Variants in NUP214 observed in about 807,000 individuals in gnomAD.
The protein encoded by NUP214 is nucleoporin 214.
In NUP214, 79 loss-of-function variants were observed where a neutral mutation model predicts 196.2. The observed-to-expected ratio is 0.40, with a 90% CI of 0.34 to 0.49. The LOEUF is 0.49. NUP214 is among the 20% of genes least tolerant of loss of function. The pLI is 0.58. For missense variants in NUP214, 2,468 were observed against 2,539.0 expected (o/e 0.97, Z 0.60); for synonymous variants, 1,020 against 990.5 (o/e 1.03, Z -0.56).
intron 23 of NUP214, among the ~76,000 whole-genome samples, chr9:131,177,371 A>G (rs907803957): frequency 1.3e-5 from 2 of 152,328 alleles, no homozygotes; most frequent in African/African-American, 4.8e-5. Flanking sequence ...GCCTGAAATC[A>G]AGTTGATCAA....
At chr9:131,151,981 G>T in intron 17 of NUP214, 87 bp downstream of exon 17, 1 of 1,049,302 alleles carries the variant, frequency 9.5e-7, no homozygotes, top group South Asian at 2.1e-5. Flanking sequence ...AGATTTGGAT[G>T]ATGGCTCTTT....
chr9:131,176,923 A>T (rs1489965261), intron 23 of NUP214, among the ~76,000 whole-genome samples: 3 of 152,132 alleles, frequency 2.0e-5, no homozygotes, highest in Non-Finnish European at 4.4e-5. Flanking sequence ...TAGTGGGTAG[A>T]GGCCAGGAAT....
chr9:131,174,222 A>C lies in NUP214; in HGVS notation c.3061A>C (p.Thr1021Pro), dbSNP rs768757657. ...CCCTCGGCACGCCCCCGTGGTTCGC[A>C]CTCCTTCCATCCAGCCCAGTCTCTT... Reference protein sequence around the residue: ...QAPRHAPVVRTPSIQPSLLPH... With the variant: ...QAPRHAPVVRPPSIQPSLLPH... Residue 1021 changes from threonine to proline, a missense_variant, in exon 22 of 36, where the codon ACT becomes CCT. By Grantham distance (38) the Thr-to-Pro change is conservative. This residue lies in a region of NUP214 where 1,801 missense variants were observed against 1,779.4 expected (regional missense o/e 1.01). Coordinates refer to ENST00000359428, the MANE Select transcript of NUP214 (RefSeq NM_005085.4). 1 of 1,613,446 alleles carries C rather than the reference A, an allele frequency of 6.2e-7. No homozygotes were observed. The highest frequency in any genetic ancestry group is 8.5e-7 in the Non-Finnish European group (1 of 1,179,852).
At chr9:131,186,708 G>T (rs1401519713) in intron 24 of NUP214, among the ~76,000 whole-genome samples, 1 of 152,228 alleles carries the variant, frequency 6.6e-6, no homozygotes, top group South Asian at 2.1e-4. Context: ...AACAAAAGAT[G>T]ATGAGAGCTC....
chr9:131,213,333 G>A (rs756778072), intron 30 of NUP214, among the ~76,000 whole-genome samples: 5 of 151,952 alleles, frequency 3.3e-5, no homozygotes, highest in Non-Finnish European at 7.4e-5. Flanking sequence ...GCACCACCAC[G>A]CCCAGCTAAT....
intron 24 of NUP214, among the ~76,000 whole-genome samples, chr9:131,185,779 G>A (rs951897267): frequency 2.6e-5 from 4 of 152,170 alleles, no homozygotes; most frequent in Non-Finnish European, 5.9e-5. Context: ...GGGGTGTCAC[G>A]TGGTGTGTAG....
chr9:131,158,029 C>T (rs563868297), intron 17 of NUP214, among the ~76,000 whole-genome samples: 1 of 152,058 alleles, frequency 6.6e-6, no homozygotes, highest in South Asian at 2.1e-4. Flanking sequence ...GTAATACACC[C>T]GTCCTGGCCT....
intron 8 of NUP214, among the ~76,000 whole-genome samples, chr9:131,135,563 A>G (rs1285177406): frequency 1.3e-5 from 2 of 152,258 alleles, no homozygotes; most frequent in African/African-American, 4.8e-5. Flanking sequence ...TTGATATTCA[A>G]GGAATATATT....
intron 17 of NUP214, among the ~76,000 whole-genome samples, chr9:131,158,629 G>A (rs1448562494): frequency 2.0e-5 from 3 of 152,166 alleles, no homozygotes; most frequent in Non-Finnish European, 4.4e-5. Context: ...TTTCAGCACC[G>A]TTTTGTCTCC....
At chr9:131,153,192 TG>T (rs201475460) in intron 17 of NUP214, 3,006 of 152,272 alleles carry the variant, frequency 0.02, 43 homozygotes, top group Non-Finnish European at 0.029. Flanking sequence ...CACATTTGTC[TG>T]GAATTCCAGC....
rs534248674 is a variant in NUP214 at position 131,184,626 on chromosome 9, G to A, written c.3420-2663G>A. Among the ~76,000 whole-genome samples, 9 of 152,170 alleles carry A rather than the reference G, an allele frequency of 5.9e-5. 1 individual carries two copies. The highest frequency in any genetic ancestry group is 2.2e-4 in the African/African-American group (9 of 41,526). ...GCTGGGATTACAGGCGTGAGACACC[G>A]TGCCTGGCCTATTTTTTCATATTTA... On this transcript the variant is annotated intron_variant, in intron 24 of 35. Transcript: ENST00000359428.
chr9:131,130,151 G>GTTTTTTTTT (rs56836232), intron 4 of NUP214, among the ~76,000 whole-genome samples: 16 of 109,216 alleles, frequency 1.5e-4, no homozygotes, highest in East Asian at 3.1e-4. Context: ...TTTTTTTTTT[G>GTTTTTTTTT]TTTTTTTTTT....
chr9:131,128,685 T>A (rs1037376297), intron 3 of NUP214: 2 of 482,060 alleles, frequency 4.1e-6, no homozygotes, highest in Admixed American at 7.6e-5. Context: ...TAACGCCATC[T>A]GCCCTAAGTT....
At chr9:131,208,378 T>C (rs988593944) in intron 30 of NUP214, among the ~76,000 whole-genome samples, 2 of 152,210 alleles carry the variant, frequency 1.3e-5, no homozygotes, top group South Asian at 4.1e-4. Flanking sequence ...ATACATTCCA[T>C]GGGATATTTT....
rs372915209 is a variant in NUP214, at chr9:131,228,330, G to A, written c.6073G>A (p.Gly2025Arg). Residue 2025 changes from glycine to arginine, a missense_variant and splice_region_variant, in exon 33 of 36, where the codon GGG (glycine) becomes AGG (arginine). Coordinates refer to ENST00000359428, the MANE Select transcript of NUP214 (RefSeq NM_005085.4). ...TGCAGCTGCCAGCGCAGGAGGATTCGGGTAAGCCCCCTGGGGAGGGCCCTT... is the reference window on the plus strand; with the variant it reads ...TGCAGCTGCCAGCGCAGGAGGATTCAGGTAAGCCCCCTGGGGAGGGCCCTT... ...GTAAASAGGF[G>R]FGSSSNTTSF... 8 of 1,580,816 alleles carry A rather than the reference G, an allele frequency of 5.1e-6. No individual in the cohort carries two copies. Among genetic ancestry groups the A allele is most frequent in the African/African-American group, 1.4e-5 (1 of 72,684 alleles).
chr9:131,231,219 G>A (rs1227261340), intron 34 of NUP214, among the ~76,000 whole-genome samples: 2 of 152,084 alleles, frequency 1.3e-5, no homozygotes, highest in Admixed American at 6.5e-5. Flanking sequence ...TTGAGACGGA[G>A]TCTCGCTCTG....
chr9:131,146,166 T>C lies in NUP214; in HGVS notation c.1807T>C (p.Ser603Pro). Reference sequence around the variant, plus strand: ...AGCTACCTCTACTCCTGTTAGTAGCTCCCAGAGCGCACCCCCGATGTCGCC... The same window carrying C: ...AGCTACCTCTACTCCTGTTAGTAGCCCCCAGAGCGCACCCCCGATGTCGCC... ...AAATSTPVSSSQSAPPMSPFS... is the reference protein window; with the variant it reads ...AAATSTPVSSPQSAPPMSPFS... Residue 603 changes from serine (S) to proline (P), a missense_variant, in exon 13 of 36, where the codon TCC becomes CCC. Physicochemically the swap from Ser to Pro is moderately conservative, Grantham distance 74. Coordinates refer to ENST00000359428, the MANE Select transcript of NUP214 (RefSeq NM_005085.4). This position sits in a 1 kb window ranked among gnomAD's most constrained non-coding sequence, Gnocchi z 4.6. 1.2e-6 allele frequency: 2 copies of C among 1,614,126 alleles called. No homozygotes were observed. The highest frequency in any genetic ancestry group is 2.2e-5 in the South Asian group (2 of 91,078).
At chr9:131,154,133 C>T (rs1008717600) in intron 17 of NUP214, among the ~76,000 whole-genome samples, 7 of 152,188 alleles carry the variant, frequency 4.6e-5, no homozygotes, top group African/African-American at 1.4e-4. Flanking sequence ...AAGGTTACTT[C>T]TACTTCTCTT....
intron 21 of NUP214, among the ~76,000 whole-genome samples, chr9:131,170,664 C>T (rs1168564930): frequency 1.3e-5 from 2 of 152,068 alleles, no homozygotes; most frequent in African/African-American, 2.4e-5. Context: ...TTACTTACAG[C>T]CAACAACCTG....
Sources: gnomAD v4.1 joint callset for allele counts (sites outside exome capture counted in the v4.1 genomes callset) on GRCh38, gnomAD v4.1.1 for gene constraint, gnomAD v4.1.1 regional missense constraint, Gnocchi (gnomAD v3.1) non-coding constraint, MANE v1.5 for transcripts, NCBI Gene and HGNC (gene_info 2026-07-23, HGNC 2026-07-21) for gene names.